Variants in UGT1A8 observed in about 807,000 individuals in gnomAD.
UGT1A8 encodes the protein UDP glucuronosyltransferase family 1 member A8.
Under a neutral mutation model 45.3 loss-of-function variants are expected in UGT1A8, and 39 were observed. The ratio of observed to expected loss-of-function variants is 0.86; its 90% CI spans 0.67 to 1.12. The LOEUF is 1.12. UGT1A8 is among the 50% of genes most tolerant of loss of function. The probability of loss-of-function intolerance (pLI) is 0.00; values close to 1 mark genes in which losing one functional copy is unlikely to be tolerated. For synonymous variants in UGT1A8, 275 were observed against 249.2 expected, an observed-to-expected ratio of 1.10 and a Z score of -0.97; for missense variants, 719 against 664.9, an observed-to-expected ratio of 1.08 and a Z score of -0.90.
intron 1 of UGT1A8, among the ~76,000 whole-genome samples, chr2:233,658,726 G>C (rs1213758931): frequency 6.6e-6 from 1 of 152,182 alleles, no homozygotes; most frequent in Non-Finnish European, 1.5e-5. Context: ...CTCTTGAAAA[G>C]AGTAGTCTTT....
At chr2:233,627,462 T>C (rs2073104003) in intron 1 of UGT1A8, among the ~76,000 whole-genome samples, 1 of 152,078 alleles carries the variant, frequency 6.6e-6, no homozygotes, top group Non-Finnish European at 1.5e-5. Flanking sequence ...TCAAATCACA[T>C]TGGCATCTAT....
chr2:233,728,863 G>A (rs1165888230), intron 1 of UGT1A8, among the ~76,000 whole-genome samples: 1 of 152,190 alleles, frequency 6.6e-6, no homozygotes, highest in Middle Eastern at 3.2e-3. Context: ...AGAAACAAGA[G>A]CTTGAACTTG....
intron 1 of UGT1A8, among the ~76,000 whole-genome samples, chr2:233,685,069 A>AT (rs1419211774): frequency 6.6e-6 from 1 of 151,848 alleles, no homozygotes; most frequent in Non-Finnish European, 1.5e-5. Flanking sequence ...TGCACAGGAG[A>AT]TTTTTTTTCT....
At chr2:233,650,063 TG>T (rs1468263019) in intron 1 of UGT1A8, among the ~76,000 whole-genome samples, 1 of 152,160 alleles carries the variant, frequency 6.6e-6, no homozygotes, top group Non-Finnish European at 1.5e-5. Flanking sequence ...CTCTGCCTCC[TG>T]GGTTCAAGCG....
In UGT1A8 at chr2:233,738,655, C is replaced by T. The variant is rs542122703; in HGVS notation, c.856-28379C>T. Among the ~76,000 whole-genome samples, 17 of 152,092 alleles carry T rather than the reference C, an allele frequency of 1.1e-4. No homozygotes were observed. The East Asian group carries it at 1.4e-3, about 12-fold the overall frequency. On this transcript the variant is annotated intron_variant, in intron 1 of 4. Coordinates refer to ENST00000373450, the MANE Select transcript of UGT1A8 (RefSeq NM_019076.5). Reference sequence around the variant, plus strand: ...CCTGCCCTAGAGCTCTTTGGAACTACGAACTTGAGAGAGATGATCTGAAAT... The same window carrying T: ...CCTGCCCTAGAGCTCTTTGGAACTATGAACTTGAGAGAGATGATCTGAAAT...
chr2:233,662,224 G>T, intron 1 of UGT1A8, among the ~76,000 whole-genome samples: 1 of 152,096 alleles, frequency 6.6e-6, no homozygotes, highest in Admixed American at 6.6e-5. Flanking sequence ...ATAGATTTGT[G>T]TCTATAATAT....
At chr2:233,749,455 A>C (rs1355144259) in intron 1 of UGT1A8, among the ~76,000 whole-genome samples, 1 of 151,860 alleles carries the variant, frequency 6.6e-6, no homozygotes, top group East Asian at 1.9e-4. Flanking sequence ...GAGCAGAACG[A>C]ATTGGGAACT....
intron 1 of UGT1A8, among the ~76,000 whole-genome samples, chr2:233,731,421 G>C (rs1039281599): frequency 6.6e-6 from 1 of 151,738 alleles, no homozygotes; most frequent in Non-Finnish European, 1.5e-5. Context: ...TTTTCCTAAT[G>C]CCATCCCTCC....
intron 1 of UGT1A8, among the ~76,000 whole-genome samples, chr2:233,632,247 A>G (rs2073202516): frequency 6.6e-6 from 1 of 152,316 alleles, no homozygotes; most frequent in East Asian, 1.9e-4. Context: ...GCCTTGTAGT[A>G]TAATTTGAAG....
In UGT1A8 at chr2:233,637,171, C is replaced by T. The variant is rs753054350; in HGVS notation, c.855+18609C>T. On this transcript the variant is annotated intron_variant, in intron 1 of 4. Transcript: ENST00000373450. ...GAACCACATCGTGCACTTGGAGGAC[C>T]ATTTATTTTGCCAGTATCTTTTTAG... 7.4e-6 allele frequency: 12 copies of T among 1,613,958 alleles called. No homozygotes were observed. In the South Asian group the frequency reaches 1.1e-4, roughly 15 times the overall value.
At chr2:233,766,319 A>G (rs1575819132) in intron 1 of UGT1A8, among the ~76,000 whole-genome samples, 1 of 151,982 alleles carries the variant, frequency 6.6e-6, no homozygotes, top group African/African-American at 2.4e-5. Flanking sequence ...GCCTCAGCCA[A>G]ACTCCGCGTT....
At chr2:233,762,916 A>C (rs1698195607) in intron 1 of UGT1A8, among the ~76,000 whole-genome samples, 2 of 152,252 alleles carry the variant, frequency 1.3e-5, no homozygotes, top group African/African-American at 4.8e-5. Flanking sequence ...TATTGAATTT[A>C]TTAGAATCTC....
intron 1 of UGT1A8, among the ~76,000 whole-genome samples, chr2:233,731,505 G>T (rs1188245872): frequency 2.6e-5 from 4 of 152,064 alleles, no homozygotes; most frequent in African/African-American, 7.2e-5. Context: ...TTGCTGTTCA[G>T]TTCCCACCTA....
chr2:233,729,487 T>C (rs1189520708), intron 1 of UGT1A8: 17 of 1,614,220 alleles, frequency 1.1e-5, no homozygotes, highest in Non-Finnish European at 1.4e-5. Flanking sequence ...GAACAATATG[T>C]CTTTGGTCTA....
At chr2:233,758,273 A>C (rs575144774) in intron 1 of UGT1A8, among the ~76,000 whole-genome samples, 2 of 152,350 alleles carry the variant, frequency 1.3e-5, no homozygotes, top group South Asian at 4.1e-4. Context: ...TTCTTGGTCA[A>C]GGGCAGAGCT....
chr2:233,626,066 A>G (rs1168107787), intron 1 of UGT1A8, among the ~76,000 whole-genome samples: 1 of 152,074 alleles, frequency 6.6e-6, no homozygotes, highest in African/African-American at 2.4e-5. Context: ...CAGAAGAGGT[A>G]GAGGAGGTGG....
In UGT1A8 at chr2:233,698,539, C is replaced by T. The variant is rs1245091014; in HGVS notation, c.856-68495C>T. On this transcript the variant is annotated intron_variant, in intron 1 of 4. Coordinates refer to ENST00000373450, the MANE Select transcript of UGT1A8 (RefSeq NM_019076.5). ...GGCAATACATAAAGTAAACAGAACA[C>T]GAGTGGCCAACAAAACTTTAAGAAC... Among the ~76,000 whole-genome samples the T allele has an allele frequency of 5.3e-5, 8 of 152,144 alleles. No homozygotes were observed. The East Asian group carries it at 9.6e-4, about 18-fold the overall frequency.
At chr2:233,618,996 C>T (rs552757035) in intron 1 of UGT1A8, among the ~76,000 whole-genome samples, 3 of 151,866 alleles carry the variant, frequency 2.0e-5, no homozygotes, top group Admixed American at 6.6e-5. Context: ...TTTTGAGTAC[C>T]GTGTTTAGAA....
At chr2:233,626,326 GCTT>G (rs1367095774) in intron 1 of UGT1A8, among the ~76,000 whole-genome samples, 3 of 151,516 alleles carry the variant, frequency 2.0e-5, no homozygotes, top group Non-Finnish European at 2.9e-5. Context: ...TTCTGGCACT[GCTT>G]CTTCTACATC....
Sources: gnomAD v4.1 joint callset for allele counts (sites outside exome capture counted in the v4.1 genomes callset) on GRCh38, gnomAD v4.1.1 for gene constraint, MANE v1.5 for transcripts, NCBI Gene and HGNC (gene_info 2026-07-23, HGNC 2026-07-21) for gene names.